Variants in PCDH9 observed in about 807,000 individuals in gnomAD.
PCDH9 encodes protocadherin-9.
PCDH9 carries 24 observed loss-of-function variants against 70.6 expected under a neutral mutation model. That is an observed-to-expected ratio of 0.34 (90% confidence interval 0.25 to 0.48). The LOEUF is 0.48. Among genes scored for constraint, PCDH9 ranks in the 20% least tolerant of loss-of-function variants. The pLI, the probability that PCDH9 is intolerant of heterozygous loss-of-function variation, is 0.99. For missense variants in PCDH9, 1,281 were observed against 1,503.6 expected (o/e 0.85, Z 2.45); for synonymous variants, 562 against 558.5 (o/e 1.01, Z -0.09).
chr13:66,850,447 T>C (rs1234624916), intron 3 of PCDH9, among the ~76,000 whole-genome samples: 2 of 151,528 alleles, frequency 1.3e-5, no homozygotes, highest in African/African-American at 4.9e-5. Flanking sequence ...GGAGGCGGAG[T>C]TTGCAGTGAC....
At chr13:66,704,146 T>G (rs548589753) in intron 3 of PCDH9, among the ~76,000 whole-genome samples, 8 of 152,320 alleles carry the variant, frequency 5.3e-5, no homozygotes, top group Non-Finnish European at 1.0e-4. Flanking sequence ...GGCATGTAGC[T>G]CTCATATAGA....
chr13:66,416,719 G>T (rs1334162412), intron 4 of PCDH9, among the ~76,000 whole-genome samples: 1 of 152,092 alleles, frequency 6.6e-6, no homozygotes, highest in African/African-American at 2.4e-5. Flanking sequence ...AAGTTGCAGG[G>T]TTCACACGTA....
intron 3 of PCDH9, among the ~76,000 whole-genome samples, chr13:66,755,328 A>G (rs2079523564): frequency 1.3e-5 from 2 of 152,186 alleles, no homozygotes; most frequent in South Asian, 2.1e-4. Flanking sequence ...CACTCTTGAG[A>G]GTTAGGACTG....
At chr13:67,085,687 A>T (rs1213125685) in intron 2 of PCDH9, among the ~76,000 whole-genome samples, 2 of 152,194 alleles carry the variant, frequency 1.3e-5, no homozygotes, top group African/African-American at 2.4e-5. Context: ...CTTGAGACCT[A>T]CTTTGTTCTG....
At chr13:66,538,556 G>A (rs1344017958) in intron 4 of PCDH9, among the ~76,000 whole-genome samples, 1 of 152,042 alleles carries the variant, frequency 6.6e-6, no homozygotes, top group African/African-American at 2.4e-5. Context: ...TGGGGACTCA[G>A]GGAAGGGCTG....
At chr13:67,096,700 A>G (rs529404095) in intron 2 of PCDH9, among the ~76,000 whole-genome samples, 1 of 152,194 alleles carries the variant, frequency 6.6e-6, no homozygotes, top group Admixed American at 6.5e-5. Flanking sequence ...GTGTTACTGT[A>G]TTATTTCTCT....
chr13:66,417,055 C>T (rs1025757588), intron 4 of PCDH9, among the ~76,000 whole-genome samples: 3 of 152,032 alleles, frequency 2.0e-5, no homozygotes, highest in African/African-American at 7.2e-5. Flanking sequence ...ACTTTAAGTT[C>T]TGGGATACAT....
intron 4 of PCDH9, among the ~76,000 whole-genome samples, chr13:66,371,918 G>A (rs902043502): frequency 6.6e-6 from 1 of 151,962 alleles, no homozygotes; most frequent in Non-Finnish European, 1.5e-5. Flanking sequence ...TAAAAGATTT[G>A]TGATCTTCAG....
intron 4 of PCDH9, among the ~76,000 whole-genome samples, chr13:66,339,202 C>T (rs181752547): frequency 9.9e-4 from 151 of 152,038 alleles, no homozygotes; most frequent in African/African-American, 3.4e-3. Flanking sequence ...GTAAGGTATT[C>T]ATTTTTATTG....
intron 2 of PCDH9, among the ~76,000 whole-genome samples, chr13:67,067,849 A>T (rs1393343676): frequency 1.3e-5 from 2 of 152,012 alleles, no homozygotes; most frequent in Non-Finnish European, 2.9e-5. Flanking sequence ...AGATAGGATC[A>T]GGTATATGTA....
intron 3 of PCDH9, among the ~76,000 whole-genome samples, chr13:66,654,571 C>A (rs1321780402): frequency 6.6e-6 from 1 of 152,028 alleles, no homozygotes; most frequent in East Asian, 1.9e-4. Flanking sequence ...GTATCAAAAT[C>A]TTATGTACCC....
At chr13:66,551,277 A>G (rs534589087) in intron 4 of PCDH9, among the ~76,000 whole-genome samples, 22 of 152,216 alleles carry the variant, frequency 1.4e-4, no homozygotes, top group South Asian at 6.3e-4. Context: ...GTTATTTTTT[A>G]TAGGGACGGA....
rs140083806 is a variant in PCDH9 at position 66,487,630 on chromosome 13, G to A, written c.3340+143580C>T. Among the ~76,000 whole-genome samples the A allele has an allele frequency of 7.9e-5, 12 of 151,986 alleles. No homozygotes were observed. In the South Asian group the frequency reaches 1.3e-3, roughly 16 times the overall value. On this transcript the variant is annotated intron_variant, in intron 4 of 4. Coordinates refer to ENST00000377865, the MANE Select transcript of PCDH9 (RefSeq NM_203487.3). The stretch of plus-strand genomic sequence containing the variant: ...TAATATTATATGGACATCTTTAAAC[G>A]TTGTAAAATGACTTGTATGAATAAT...
intron 4 of PCDH9, among the ~76,000 whole-genome samples, chr13:66,377,539 G>GTGTA (rs1259023536): frequency 3.3e-5 from 5 of 152,098 alleles, no homozygotes; most frequent in Non-Finnish European, 7.3e-5. Context: ...AAAAAGCAAA[G>GTGTA]TGTATGCATA....
chr13:66,519,880 G>C (rs1025324978), intron 4 of PCDH9, among the ~76,000 whole-genome samples: 1 of 149,774 alleles, frequency 6.7e-6, no homozygotes, highest in South Asian at 2.1e-4. Flanking sequence ...CTGGTCGACG[G>C]CAGTCCTATT....
At chr13:67,060,351 C>T (rs920910927) in intron 2 of PCDH9, among the ~76,000 whole-genome samples, 7 of 152,060 alleles carry the variant, frequency 4.6e-5, no homozygotes, top group African/African-American at 1.4e-4. Context: ...TTTCCCCACA[C>T]GCTCACATCT....
chr13:67,157,868 A>G (rs1219415094), intron 2 of PCDH9, among the ~76,000 whole-genome samples: 1 of 152,156 alleles, frequency 6.6e-6, no homozygotes, highest in African/African-American at 2.4e-5. Context: ...TCATTTCTTC[A>G]TTGCCAGCAT....
At chr13:66,707,454 GTCTTA>G (rs752429457) in intron 3 of PCDH9, among the ~76,000 whole-genome samples, 5 of 152,182 alleles carry the variant, frequency 3.3e-5, no homozygotes, top group Non-Finnish European at 7.3e-5. Flanking sequence ...AAATGAACTT[GTCTTA>G]TCTTAGGCAG....
intron 4 of PCDH9, among the ~76,000 whole-genome samples, chr13:66,460,222 A>G (rs1051551577): frequency 2.0e-5 from 3 of 151,956 alleles, no homozygotes; most frequent in Non-Finnish European, 2.9e-5. Context: ...AAACTATGCT[A>G]TTATATAATA....
Sources: gnomAD v4.1 joint callset for allele counts (sites outside exome capture counted in the v4.1 genomes callset) on GRCh38, gnomAD v4.1.1 for gene constraint, MANE v1.5 for transcripts, NCBI Gene and HGNC (gene_info 2026-07-23, HGNC 2026-07-21) for gene names.